Variants in SNTG1 observed in about 807,000 individuals in gnomAD.
SNTG1 encodes the protein syntrophin gamma 1.
A neutral mutation model predicts 74.7 loss-of-function variants in SNTG1; 39 were observed. The observed-to-expected ratio is 0.52, with a 90% CI of 0.40 to 0.68. SNTG1 has a LOEUF of 0.68. SNTG1 is among the 30% of genes least tolerant of loss of function. The pLI, the probability that SNTG1 is intolerant of heterozygous loss-of-function variation, is 0.00. For missense variants in SNTG1, 685 were observed against 609.5 expected, an observed-to-expected ratio of 1.12 and a Z score of -1.30; for synonymous variants, 254 against 217.1, an observed-to-expected ratio of 1.17 and a Z score of -1.49.
intron 12 of SNTG1, 84 bp downstream of exon 12, chr8:50,553,263 T>C: frequency 6.6e-7 from 1 of 1,508,572 alleles, no homozygotes; most frequent in Admixed American, 1.8e-5. Flanking sequence ...TCACATCAAC[T>C]GTTTGGTGTT....
intron 18 of SNTG1, among the ~76,000 whole-genome samples, chr8:50,763,206 G>T (rs559780347): frequency 6.6e-6 from 1 of 152,058 alleles, no homozygotes. Context: ...GAGATAAGGA[G>T]AGTTGTCGAT....
intron 15 of SNTG1, among the ~76,000 whole-genome samples, chr8:50,670,306 C>G (rs576301043): frequency 6.6e-6 from 1 of 151,980 alleles, no homozygotes; most frequent in South Asian, 2.1e-4. Context: ...TTGTCTCAGC[C>G]CAAAATCTCC....
intron 1 of SNTG1, among the ~76,000 whole-genome samples, chr8:50,029,860 A>C (rs111429353): frequency 1.3e-5 from 2 of 152,128 alleles, no homozygotes; most frequent in African/African-American, 4.8e-5. Flanking sequence ...TTGTGTATAT[A>C]CCCAGCAGTG....
chr8:50,150,930 G>C lies in SNTG1; in HGVS notation c.-102-21631G>C, dbSNP rs544785513. ...CAGGATGATGCTGGCCTCATAAAAT[G>C]AGTTAGGGAGGATTCCCTCTTTTTC... is the stretch of plus-strand genomic sequence containing the variant. On this transcript the variant is annotated intron_variant, in intron 1 of 18. Transcript: ENST00000642720. Among the ~76,000 whole-genome samples the C allele has an allele frequency of 3.9e-4, 60 of 152,296 alleles. No individual in the cohort carries two copies. In the East Asian group the frequency reaches 0.01, roughly 26 times the overall value.
intron 8 of SNTG1, among the ~76,000 whole-genome samples, chr8:50,470,383 C>A (rs140781280): frequency 5.1e-4 from 77 of 152,156 alleles, no homozygotes; most frequent in Non-Finnish European, 9.8e-4. Context: ...CAGACCCTCA[C>A]GGTGAGTGTT....
intron 1 of SNTG1, among the ~76,000 whole-genome samples, chr8:50,074,553 AG>A (rs1413222212): frequency 6.6e-6 from 1 of 152,206 alleles, no homozygotes; most frequent in Non-Finnish European, 1.5e-5. Context: ...TTATCAATTA[AG>A]TTTGAAGTTG....
At chr8:50,348,183 T>C (rs1423568941) in intron 2 of SNTG1, among the ~76,000 whole-genome samples, 2 of 152,140 alleles carry the variant, frequency 1.3e-5, no homozygotes, top group Non-Finnish European at 2.9e-5. Context: ...GTATTTGCAT[T>C]TCCAAAAGAA....
intron 8 of SNTG1, among the ~76,000 whole-genome samples, chr8:50,459,980 G>T (rs528798380): frequency 6.6e-6 from 1 of 152,186 alleles, no homozygotes; most frequent in African/African-American, 2.4e-5. Flanking sequence ...AAGTGAATGC[G>T]TGTGTCTTTT....
intron 8 of SNTG1, 89 bp downstream of exon 8, chr8:50,450,818 G>A: frequency 1.6e-6 from 2 of 1,286,488 alleles, no homozygotes; most frequent in East Asian, 2.4e-5. Flanking sequence ...TCATTCATTA[G>A]GCAGATATGA....
chr8:50,130,537 A>T (rs185790838), intron 1 of SNTG1, among the ~76,000 whole-genome samples: 30 of 152,248 alleles, frequency 2.0e-4, no homozygotes, highest in African/African-American at 6.3e-4. Flanking sequence ...CAGGAGCAAA[A>T]TATAACACTT....
At chr8:50,201,135 A>G (rs1025922778) in intron 2 of SNTG1, among the ~76,000 whole-genome samples, 1 of 152,228 alleles carries the variant, frequency 6.6e-6, no homozygotes, top group East Asian at 1.9e-4. Context: ...AAAAACTAGA[A>G]GTTTAAAGGA....
chr8:50,603,087 C>A (rs1484201124), intron 13 of SNTG1, among the ~76,000 whole-genome samples: 2 of 152,136 alleles, frequency 1.3e-5, no homozygotes, highest in East Asian at 3.9e-4. Context: ...ATTATTATTT[C>A]TTTGAATAAA....
chr8:49,966,509 C>T (rs961053825), intron 1 of SNTG1, among the ~76,000 whole-genome samples: 11 of 151,908 alleles, frequency 7.2e-5, no homozygotes, highest in Admixed American at 6.6e-4. Context: ...ATTCTCTTGC[C>T]TTAGCCTCCC....
At position 50,113,280 on chromosome 8, in the gene SNTG1, C is replaced by T. The variant is rs545810144; in HGVS notation, c.-102-59281C>T. Among the ~76,000 whole-genome samples the T allele has an allele frequency of 7.9e-4, 120 of 152,190 alleles. 1 individual carries two copies. Among genetic ancestry groups the T allele is most frequent in the African/African-American group, 2.8e-3 (116 of 41,524 alleles). On this transcript the variant is annotated intron_variant, in intron 1 of 18. Coordinates refer to ENST00000642720, the MANE Select transcript of SNTG1 (RefSeq NM_018967.5). ...TTGTGTCTGCTTTTATTTTGTTGAG[C>T]AGTGGTCTGTAGTTCTCCTTGAAGA...
At chr8:50,135,014 C>A (rs754002893) in intron 1 of SNTG1, among the ~76,000 whole-genome samples, 12 of 152,122 alleles carry the variant, frequency 7.9e-5, no homozygotes, top group Non-Finnish European at 4.4e-5. Context: ...TAGGAAATAG[C>A]TCCACAGGTT....
intron 2 of SNTG1, among the ~76,000 whole-genome samples, chr8:50,224,329 G>A (rs982965369): frequency 4.6e-5 from 7 of 152,068 alleles, no homozygotes; most frequent in African/African-American, 1.2e-4. Flanking sequence ...GACCTAATCA[G>A]GGGACATCCC....
chr8:50,226,510 T>A (rs1296197916), intron 2 of SNTG1, among the ~76,000 whole-genome samples: 2 of 152,198 alleles, frequency 1.3e-5, no homozygotes, highest in African/African-American at 4.8e-5. Flanking sequence ...ATCTGTTGTC[T>A]CTAAGGGCAG....
rs1341916369 is a variant in SNTG1 at position 50,450,693 on chromosome 8, T to C, written c.327T>C (p.Asn109=). ...TGCTTTTCTTTTCATTGCAGATAAA[T>C]GGCATTAATGTGAGAAAATGTAGAC... ...LFIGDAILQI[N]GINVRKCRHE... The change falls in exon 8 of 19, where the codon AAT becomes AAC. Residue 109 remains asparagine, a synonymous_variant. Transcript: ENST00000642720. 1 of 1,613,356 alleles carries C rather than the reference T, an allele frequency of 6.2e-7. No homozygotes were observed. Among genetic ancestry groups the C allele is most frequent in the Non-Finnish European group, 8.5e-7 (1 of 1,179,758 alleles).
chr8:49,931,714 G>A (rs1807611355), intron 1 of SNTG1, among the ~76,000 whole-genome samples: 1 of 152,174 alleles, frequency 6.6e-6, no homozygotes, highest in Admixed American at 6.5e-5. Flanking sequence ...ATGGAAATGA[G>A]AGGATGATGG....
Sources: gnomAD v4.1 joint callset for allele counts (sites outside exome capture counted in the v4.1 genomes callset) on GRCh38, gnomAD v4.1.1 for gene constraint, MANE v1.5 for transcripts, NCBI Gene and HGNC (gene_info 2026-07-23, HGNC 2026-07-21) for gene names.